SOSTDC1: variants seen among roughly 807,000 people sequenced by gnomAD.
The protein encoded by SOSTDC1 is sclerostin domain-containing protein 1.
Under a neutral mutation model 15.1 loss-of-function variants are expected in SOSTDC1, and 7 were observed. That is an observed-to-expected ratio of 0.46 (90% CI 0.26 to 0.87). The LOEUF is 0.87. Ranked by LOEUF, SOSTDC1 falls within the 40% of genes least tolerant of loss-of-function variation. The pLI is 0.15. For synonymous variants in SOSTDC1, 94 were observed against 93.2 expected, an observed-to-expected ratio of 1.01 and a Z score of -0.05; for missense variants, 242 against 259.2, an observed-to-expected ratio of 0.93 and a Z score of 0.46.
intron 1 of SOSTDC1, among the ~76,000 whole-genome samples, chr7:16,463,427 G>T (rs1391489831): frequency 6.6e-6 from 1 of 152,040 alleles, no homozygotes; most frequent in African/African-American, 2.4e-5. Flanking sequence ...GAGAAAAAAT[G>T]TGATAGCCAT....
chr7:16,464,558 G>T (rs971137244), intron 1 of SOSTDC1, among the ~76,000 whole-genome samples: 1 of 152,090 alleles, frequency 6.6e-6, no homozygotes, highest in East Asian at 1.9e-4. Context: ...AGTCAAATTT[G>T]CTTTGACTTT....
chr7:16,464,179 G>T, intron 1 of SOSTDC1: 1 of 677,008 alleles, frequency 1.5e-6, no homozygotes, highest in Middle Eastern at 2.4e-4. Context: ...AGCTTAAGGG[G>T]AACGTGATAG....
chr7:16,465,566 G>C lies in SOSTDC1; in HGVS notation c.103C>G (p.His35Asp), dbSNP rs776665358. 10 of 1,614,014 alleles carry C rather than the reference G, an allele frequency of 6.2e-6. No individual in the cohort carries two copies. The highest frequency in any genetic ancestry group is 8.5e-6 in the Non-Finnish European group (10 of 1,179,996). Reference sequence around the variant, plus strand: ...TGTGCTGGAACAGGTTTAACCACATGTGAATAAAGGATTTCTGTGGCATCA... The same window carrying C: ...TGTGCTGGAACAGGTTTAACCACATCTGAATAAAGGATTTCTGTGGCATCA... Reference protein sequence around the residue: ...KNDATEILYSHVVKPVPAHPS... With the variant: ...KNDATEILYSDVVKPVPAHPS... The change falls in exon 1 of 2, where the codon CAT becomes GAT. Residue 35 changes from histidine (H) to aspartate (D), a missense_variant. Transcript: ENST00000307068.
chr7:16,464,006 A>T (rs1390550603), intron 1 of SOSTDC1, among the ~76,000 whole-genome samples: 1 of 152,200 alleles, frequency 6.6e-6, no homozygotes, highest in Non-Finnish European at 1.5e-5. Flanking sequence ...CAGGAAAAAA[A>T]AAAAGGATGT....
chr7:16,462,765 T>A lies in SOSTDC1; in HGVS notation c.404A>T (p.Asn135Ile). Residue 135 changes from asparagine to isoleucine, a missense_variant, in exon 2 of 2, where the codon AAT (asparagine) becomes ATT (isoleucine). Asn to Ile is a moderately radical substitution (Grantham distance 149). Coordinates refer to ENST00000307068, the MANE Select transcript of SOSTDC1 (RefSeq NM_015464.3). ...RRSSQEWRCV[N>I]DKTRTQRIQL... ...GATTCTCTGGGTACGGGTTTTGTCATTGACACACCGCCACTCCTGGGAGCT... is the reference window on the plus strand; with the variant it reads ...GATTCTCTGGGTACGGGTTTTGTCAATGACACACCGCCACTCCTGGGAGCT... 1 of 1,614,196 alleles carries A rather than the reference T, an allele frequency of 6.2e-7. No individual in the cohort carries two copies. The highest frequency in any genetic ancestry group is 1.1e-5 in the South Asian group (1 of 91,088).
chr7:16,464,316 C>G, intron 1 of SOSTDC1: 1 of 1,549,158 alleles, frequency 6.5e-7, no homozygotes, highest in African/African-American at 1.4e-5. Flanking sequence ...TCCAGCTCAC[C>G]TTCCTGCAGC....
intron 1 of SOSTDC1, chr7:16,464,266 T>G: frequency 7.7e-7 from 1 of 1,300,440 alleles, no homozygotes; most frequent in Non-Finnish European, 1.1e-6. Flanking sequence ...AAGCGTAAAT[T>G]GTTTGGTTGG....
intron 1 of SOSTDC1, chr7:16,464,398 A>T (rs1781261045): frequency 1.3e-6 from 2 of 1,548,320 alleles, no homozygotes; most frequent in Non-Finnish European, 1.7e-6. Context: ...CTGTGTATAT[A>T]CAGATTTGGC....
intron 1 of SOSTDC1, chr7:16,464,479 A>G: frequency 1.1e-6 from 1 of 896,372 alleles, no homozygotes; most frequent in Non-Finnish European, 1.8e-6. Flanking sequence ...ATAATCAGAT[A>G]TGTCCTGTGT....
rs745410505 is a variant in SOSTDC1, at chr7:16,465,443, G to A, written c.205+21C>T. The A allele has an allele frequency of 1.3e-5, 21 of 1,589,232 alleles. No individual in the cohort carries two copies. The East Asian group carries it at 4.0e-4, about 30-fold the overall frequency. On this transcript the variant is annotated intron_variant, in intron 1 of 1. Coordinates refer to ENST00000307068, the MANE Select transcript of SOSTDC1 (RefSeq NM_015464.3). ...CTACCAGAAAAGAAAAAAAAAAACT[G>A]TACAAGTAAAACACACTTACTGTTC... is the stretch of plus-strand genomic sequence containing the variant.
intron 1 of SOSTDC1, among the ~76,000 whole-genome samples, chr7:16,464,938 T>G (rs1781279005): frequency 6.6e-6 from 1 of 152,218 alleles, no homozygotes; most frequent in African/African-American, 2.4e-5. Flanking sequence ...TTGAGCATCA[T>G]CAAAACTTTT....
chr7:16,464,722 A>C (rs971545301), intron 1 of SOSTDC1, among the ~76,000 whole-genome samples: 12 of 152,052 alleles, frequency 7.9e-5, no homozygotes, highest in African/African-American at 2.7e-4. Context: ...GAAAAGATAG[A>C]AACAAAAGTT....
chr7:16,463,934 G>C (rs1414946389), intron 1 of SOSTDC1, among the ~76,000 whole-genome samples: 1 of 151,712 alleles, frequency 6.6e-6, no homozygotes, highest in Non-Finnish European at 1.5e-5. Flanking sequence ...CCCTTGCTTT[G>C]TTATCTAAAC....
intron 1 of SOSTDC1, among the ~76,000 whole-genome samples, chr7:16,463,412 CTG>C (rs1315094332): frequency 6.6e-6 from 1 of 151,916 alleles, no homozygotes; most frequent in East Asian, 1.9e-4. Context: ...TTTTAAAAAT[CTG>C]TTGAGAAAAA....
In SOSTDC1 at chr7:16,465,633, G is replaced by A. The variant is rs1332547126; in HGVS notation, c.36C>T (p.Pro12=). ...LPPAIHFYLL[P]LACILMKSCL... is the part of the protein sequence containing the mutation. ...AGCTTTTCATTAGGATGCATGCAAG[G>A]GGAAGGAGATAGAAATGAATGGCAG... The change falls in exon 1 of 2, where the codon CCC becomes CCT. Residue 12 remains proline, a synonymous_variant. Coordinates refer to ENST00000307068, the MANE Select transcript of SOSTDC1 (RefSeq NM_015464.3). 1 of 1,614,102 alleles carries A rather than the reference G, an allele frequency of 6.2e-7. No individual in the cohort carries two copies. Among genetic ancestry groups the A allele is most frequent in the Admixed American group, 1.7e-5 (1 of 60,026 alleles).
chr7:16,462,580 C>G lies in SOSTDC1; in HGVS notation c.589G>C (p.Ala197Pro), dbSNP rs776972144. The G allele has an allele frequency of 1.2e-6, 2 of 1,614,194 alleles. No individual in the cohort carries two copies. Among genetic ancestry groups the G allele is most frequent in the Non-Finnish European group, 1.7e-6 (2 of 1,180,034 alleles). Residue 197 changes from alanine (A) to proline (P), a missense_variant, in exon 2 of 2, where the codon GCC (alanine) becomes CCC (proline). Transcript: ENST00000307068. ...ATGCTGTGCTTGCTGGATTTGCTGGCTCTTTTCCGCTCTCTGTGATGCTGG... is the reference window on the plus strand; with the variant it reads ...ATGCTGTGCTTGCTGGATTTGCTGGGTCTTTTCCGCTCTCTGTGATGCTGG... The part of the protein sequence containing the change: ...PVQHHRERKR[A>P]SKSSKHSMS
In SOSTDC1 at chr7:16,462,704, G is replaced by A. The variant is rs750350294; in HGVS notation, c.465C>T (p.Tyr155=). Reference sequence around the variant, plus strand: ...TGCAGGCAGTGACTACTGTGATTTTGTAGGTGCGTGTGCTGCCATCTTGGC... The same window carrying A: ...TGCAGGCAGTGACTACTGTGATTTTATAGGTGCGTGTGCTGCCATCTTGGC... ...LQCQDGSTRT[Y]KITVVTACKC... Residue 155 remains tyrosine, a synonymous_variant, in exon 2 of 2, where the codon TAC becomes TAT. Coordinates refer to ENST00000307068, the MANE Select transcript of SOSTDC1 (RefSeq NM_015464.3). The A allele has an allele frequency of 1.4e-5, 23 of 1,614,172 alleles. No homozygotes were observed. The highest frequency in any genetic ancestry group is 5.5e-5 in the South Asian group (5 of 91,082).
Sources: gnomAD v4.1 joint callset for allele counts (sites outside exome capture counted in the v4.1 genomes callset) on GRCh38, gnomAD v4.1.1 for gene constraint, MANE v1.5 for transcripts, NCBI Gene and HGNC (gene_info 2026-07-23, HGNC 2026-07-21) for gene names.